CADPS: variants seen among roughly 807,000 people sequenced by gnomAD.
CADPS encodes calcium-dependent secretion activator 1.
In CADPS, 57 loss-of-function variants were observed where a neutral mutation model predicts 167.3. The ratio of observed to expected loss-of-function variants is 0.34; its 90% confidence interval spans 0.28 to 0.42. CADPS has a LOEUF of 0.42. Ranked by LOEUF, CADPS falls within the 20% of genes least tolerant of loss-of-function variation. CADPS has a pLI of 1.00. For missense variants in CADPS, 1,414 were observed against 1,738.1 expected (o/e 0.81, Z 3.32); for synonymous variants, 676 against 635.3 (o/e 1.06, Z -0.96).
Position 62,874,284 on chromosome 3 carries a change from C to T in CADPS, c.441+305G>A, listed in dbSNP as rs548152909. 6.6e-6 allele frequency among the ~76,000 whole-genome samples: 1 copy of T among 152,292 alleles called. No homozygotes were observed. Among genetic ancestry groups the T allele is most frequent in the South Asian group, 2.1e-4 (1 of 4,830 alleles). ...GCAGCAAATCACTCCCCGAGCCTCT[C>T]GGTCCACAAAGCGGGACCTGCCTGC... On this transcript the variant is annotated intron_variant, in intron 1 of 29. Transcript: ENST00000383710. The surrounding 1 kb of genome is among the most constrained non-coding windows in gnomAD (Gnocchi z 7.1).
intron 6 of CADPS, among the ~76,000 whole-genome samples, chr3:62,604,892 T>C (rs949247779): frequency 1.1e-4 from 16 of 152,242 alleles, no homozygotes; most frequent in African/African-American, 3.6e-4. Flanking sequence ...TATGAAGTTA[T>C]AGGGAAAGCA....
At chr3:62,424,553 G>A (rs1301254530) in intron 28 of CADPS, among the ~76,000 whole-genome samples, 1 of 152,148 alleles carries the variant, frequency 6.6e-6, no homozygotes, top group Non-Finnish European at 1.5e-5. Context: ...TGAAGCAAGA[G>A]TTCTAAAGTG....
At chr3:62,494,731 G>A (rs926757170) in intron 18 of CADPS, among the ~76,000 whole-genome samples, 3 of 135,006 alleles carry the variant, frequency 2.2e-5, no homozygotes, top group African/African-American at 5.6e-5. Context: ...GCAATGGTGC[G>A]ATCTTGGCTC....
intron 1 of CADPS, among the ~76,000 whole-genome samples, chr3:62,810,375 A>G (rs2094336818): frequency 6.6e-6 from 1 of 152,202 alleles, no homozygotes; most frequent in Non-Finnish European, 1.5e-5. Flanking sequence ...AAAGCATATT[A>G]GTAGTAGTGG....
intron 4 of CADPS, among the ~76,000 whole-genome samples, chr3:62,661,623 A>T (rs2073220867): frequency 6.6e-6 from 1 of 152,132 alleles, no homozygotes; most frequent in African/African-American, 2.4e-5. Context: ...CTATTGAAGG[A>T]TTTTGAGGCT....
At chr3:62,709,513 C>T (rs758716274) in intron 3 of CADPS, among the ~76,000 whole-genome samples, 1 of 152,124 alleles carries the variant, frequency 6.6e-6, no homozygotes, top group African/African-American at 2.4e-5. Context: ...CACTTAGATA[C>T]TGTATACAAA....
At chr3:62,830,318 A>T (rs2074850561) in intron 1 of CADPS, among the ~76,000 whole-genome samples, 1 of 152,162 alleles carries the variant, frequency 6.6e-6, no homozygotes, top group Non-Finnish European at 1.5e-5. Context: ...ACATTTTTAC[A>T]AATCAGGATC....
At chr3:62,430,715 T>C (rs2053749610) in intron 28 of CADPS, among the ~76,000 whole-genome samples, 1 of 151,962 alleles carries the variant, frequency 6.6e-6, no homozygotes, top group Admixed American at 6.6e-5. Context: ...ATATCATATA[T>C]ATATAGATAC....
rs909064442 is a variant in CADPS at position 62,438,310 on chromosome 3, A to G, written c.3670-99T>C. 4.7e-5 allele frequency: 38 copies of G among 808,072 alleles called. No homozygotes were observed. Among genetic ancestry groups the G allele is most frequent in the Non-Finnish European group, 7.1e-5 (34 of 480,174 alleles). The allele number at this position is 808,072 out of a possible 1,614,324, so 50.1% of individuals were successfully genotyped here. On this transcript the variant is annotated intron_variant, in intron 27 of 29. Coordinates refer to ENST00000383710, the MANE Select transcript of CADPS (RefSeq NM_003716.4). The surrounding 1 kb of genome is among the most constrained non-coding windows in gnomAD (Gnocchi z 4.7). ...CCTCTACTTGCCCTCACACACCCTGAGATGCTTCTGCTGGATCAGCTTTGT... is the reference window on the plus strand; with the variant it reads ...CCTCTACTTGCCCTCACACACCCTGGGATGCTTCTGCTGGATCAGCTTTGT...
intron 11 of CADPS, among the ~76,000 whole-genome samples, chr3:62,549,606 G>A (rs1009308538): frequency 1.3e-5 from 2 of 152,000 alleles, no homozygotes; most frequent in East Asian, 3.9e-4. Flanking sequence ...ATATTTGAAG[G>A]ACTCAAACAA....
chr3:62,550,931 C>G (rs1487784541), intron 10 of CADPS: 3 of 456,800 alleles, frequency 6.6e-6, no homozygotes, highest in South Asian at 3.1e-5. Flanking sequence ...CTCCTACCAT[C>G]CTGGCTGCTG....
At chr3:62,594,651 G>A (rs115203073) in intron 6 of CADPS, among the ~76,000 whole-genome samples, 1 of 152,180 alleles carries the variant, frequency 6.6e-6, no homozygotes, top group African/African-American at 2.4e-5. Context: ...TTCCACCTCA[G>A]TCTCCTGAGT....
intron 3 of CADPS, among the ~76,000 whole-genome samples, chr3:62,747,591 AG>A (rs1375519471): frequency 6.6e-6 from 1 of 152,232 alleles, no homozygotes; most frequent in Non-Finnish European, 1.5e-5. Flanking sequence ...GATGGTTTGG[AG>A]GAAAGGAAAT....
At chr3:62,691,550 C>T (rs549061071) in intron 3 of CADPS, among the ~76,000 whole-genome samples, 1 of 152,010 alleles carries the variant, frequency 6.6e-6, no homozygotes, top group Admixed American at 6.6e-5. Flanking sequence ...TGCTTCCTTT[C>T]CTGGAGGTTC....
intron 28 of CADPS, among the ~76,000 whole-genome samples, chr3:62,429,693 G>A (rs1196793627): frequency 2.7e-5 from 4 of 150,222 alleles, no homozygotes; most frequent in South Asian, 2.1e-4. Context: ...CTTCCATGCC[G>A]TTAAGTCTGC....
chr3:62,561,696 A>T (rs1251800145), intron 9 of CADPS, among the ~76,000 whole-genome samples: 1 of 152,156 alleles, frequency 6.6e-6, no homozygotes, highest in Non-Finnish European at 1.5e-5. Context: ...CATGAGATGA[A>T]AAGGTTAGAC....
chr3:62,555,714 CAT>C (rs992031418), intron 10 of CADPS, among the ~76,000 whole-genome samples: 18 of 152,080 alleles, frequency 1.2e-4, no homozygotes, highest in Non-Finnish European at 2.2e-4. Flanking sequence ...TTTAGCGTCC[CAT>C]TTTATGTTTA....
chr3:62,493,882 C>T (rs1356271479), intron 18 of CADPS, among the ~76,000 whole-genome samples: 1 of 152,040 alleles, frequency 6.6e-6, no homozygotes, highest in African/African-American at 2.4e-5. Flanking sequence ...TTGAATGTAG[C>T]CTATAATTGG....
chr3:62,443,386 A>G (rs556673484), intron 27 of CADPS, among the ~76,000 whole-genome samples: 71 of 152,326 alleles, frequency 4.7e-4, no homozygotes, highest in African/African-American at 1.6e-3. Flanking sequence ...ATTTTGGAAC[A>G]TGCTGCATCA....
Sources: allele counts gnomAD v4.1 joint callset (sites outside exome capture counted in the v4.1 genomes callset), GRCh38; gene constraint gnomAD v4.1.1; non-coding constraint Gnocchi (gnomAD v3.1); transcripts MANE v1.5; gene names NCBI Gene and HGNC (gene_info 2026-07-23, HGNC 2026-07-21).